The following GRIN2A variants were observed in gnomAD, a reference collection of about 807,000 sequenced individuals.
The protein encoded by GRIN2A is glutamate receptor ionotropic, NMDA 2A.
Under a neutral mutation model 113.4 loss-of-function variants are expected in GRIN2A, and 22 were observed. That is an observed-to-expected ratio of 0.19 (90% CI 0.14 to 0.28). GRIN2A has a LOEUF of 0.28. GRIN2A is among the 10% of genes least tolerant of loss of function. The pLI is 1.00. For synonymous variants in GRIN2A, 827 were observed against 738.4 expected (o/e 1.12, Z -1.94); for missense variants, 1,502 against 1,887.0 (o/e 0.80, Z 3.78).
chr16:10,112,706 C>A (rs2048642288), intron 2 of GRIN2A: 1 of 745,938 alleles, frequency 1.3e-6, no homozygotes, highest in Non-Finnish European at 2.5e-6. Context: ...TGCAGGGTGT[C>A]TCGGCCTCCA....
intron 2 of GRIN2A, among the ~76,000 whole-genome samples, chr16:10,151,389 G>A (rs1596556502): frequency 6.6e-6 from 1 of 152,182 alleles, no homozygotes; most frequent in East Asian, 1.9e-4. Flanking sequence ...GTGCATTCTA[G>A]ACAGAGGTAA....
intron 3 of GRIN2A, among the ~76,000 whole-genome samples, chr16:9,895,376 G>A (rs549638861): frequency 1.3e-5 from 2 of 152,314 alleles, no homozygotes; most frequent in South Asian, 4.1e-4. Flanking sequence ...TGTTCAATGA[G>A]CTGCCGTCAG....
chr16:9,821,693 G>C (rs997130839), intron 10 of GRIN2A, among the ~76,000 whole-genome samples: 1 of 152,172 alleles, frequency 6.6e-6, no homozygotes, highest in Admixed American at 6.5e-5. Flanking sequence ...CCTAACCCCT[G>C]TGCTATCTTT....
intron 3 of GRIN2A, among the ~76,000 whole-genome samples, chr16:9,916,109 G>A (rs75753260): frequency 0.025 from 3,835 of 152,256 alleles, 66 homozygotes; most frequent in Non-Finnish European, 0.037. Flanking sequence ...GTTATATGAT[G>A]TCACCTCTGT....
chr16:9,886,106 A>C (rs929572151), intron 4 of GRIN2A, among the ~76,000 whole-genome samples: 5 of 152,246 alleles, frequency 3.3e-5, no homozygotes, highest in South Asian at 2.1e-4. Context: ...GGTGTGAGTC[A>C]AGCCTGCTCC....
At chr16:10,044,634 G>A (rs2047227779) in intron 2 of GRIN2A, among the ~76,000 whole-genome samples, 1 of 149,062 alleles carries the variant, frequency 6.7e-6, no homozygotes, top group South Asian at 2.2e-4. Flanking sequence ...AATTCCCTAA[G>A]CACCAATGTC....
chr16:9,856,358 C>T (rs755082153), intron 4 of GRIN2A, among the ~76,000 whole-genome samples: 21 of 152,122 alleles, frequency 1.4e-4, no homozygotes, highest in Middle Eastern at 3.2e-3. Context: ...ATAAGATTCA[C>T]GCCTGTAATC....
chr16:9,935,874 G>A (rs536357249), intron 3 of GRIN2A, among the ~76,000 whole-genome samples: 1 of 151,854 alleles, frequency 6.6e-6, no homozygotes, highest in Non-Finnish European at 1.5e-5. Flanking sequence ...GCTAACATTT[G>A]TATTTTTAGT....
At chr16:10,059,714 G>T (rs1220031885) in intron 2 of GRIN2A, among the ~76,000 whole-genome samples, 3 of 113,238 alleles carry the variant, frequency 2.6e-5, no homozygotes, top group African/African-American at 1.0e-4. Context: ...TCACACCATC[G>T]TGACCGAAAA....
chr16:9,986,280 G>A (rs932504117), intron 2 of GRIN2A, among the ~76,000 whole-genome samples: 15 of 152,106 alleles, frequency 9.9e-5, no homozygotes, highest in South Asian at 4.2e-4. Context: ...AAATTATGAC[G>A]TTAGGTGAAT....
intron 9 of GRIN2A, among the ~76,000 whole-genome samples, chr16:9,826,169 C>G (rs1044042924): frequency 6.6e-6 from 1 of 152,076 alleles, no homozygotes; most frequent in Non-Finnish European, 1.5e-5. Flanking sequence ...GAAATTAAGC[C>G]TAAGGGGATA....
intron 4 of GRIN2A, among the ~76,000 whole-genome samples, chr16:9,850,847 C>G (rs1299380139): frequency 6.6e-6 from 1 of 152,132 alleles, no homozygotes; most frequent in Non-Finnish European, 1.5e-5. Context: ...TATTTTGAAC[C>G]TTAATTTTAT....
chr16:10,033,145 C>T (rs564427561), intron 2 of GRIN2A, among the ~76,000 whole-genome samples: 1 of 152,186 alleles, frequency 6.6e-6, no homozygotes, highest in Non-Finnish European at 1.5e-5. Flanking sequence ...ACCTACCAAC[C>T]GTGAACTGTT....
intron 2 of GRIN2A, among the ~76,000 whole-genome samples, chr16:10,133,738 C>T (rs2049123530): frequency 2.0e-5 from 3 of 152,162 alleles, no homozygotes; most frequent in Admixed American, 1.3e-4. Context: ...AGTTTCTCTC[C>T]AACTGTGGAC....
intron 2 of GRIN2A, chr16:10,033,746 G>C (rs1191109309): frequency 6.6e-6 from 1 of 152,386 alleles, no homozygotes; most frequent in East Asian, 1.9e-4. Context: ...CAGCATTAAA[G>C]GGGCAGCTGC....
At chr16:9,996,897 G>A (rs1326989863) in intron 2 of GRIN2A, among the ~76,000 whole-genome samples, 1 of 152,188 alleles carries the variant, frequency 6.6e-6, no homozygotes, top group African/African-American at 2.4e-5. Context: ...TCTAACACCA[G>A]GTGTTTTTTT....
chr16:9,822,416 T>C lies in GRIN2A; in HGVS notation c.2016A>G (p.Arg672=). ...GAAAAGGTGGGGAATAGTCATGAGG[T>C]CTCTGAAACTGGAGAGAGAACGAGA... is the stretch of plus-strand genomic sequence containing the variant. ...VTGLSDKKFQ[R]PHDYSPPFRF... is the part of the protein sequence containing the mutation. Residue 672 remains arginine, a synonymous_variant, in exon 10 of 13, where the codon AGA becomes AGG. Transcript: ENST00000330684. 2 of 1,606,980 alleles carry C rather than the reference T, an allele frequency of 1.2e-6. No homozygotes were observed. Among genetic ancestry groups the C allele is most frequent in the Non-Finnish European group, 1.7e-6 (2 of 1,173,860 alleles).
chr16:10,143,741 G>C (rs1329207852), intron 2 of GRIN2A, among the ~76,000 whole-genome samples: 1 of 152,108 alleles, frequency 6.6e-6, no homozygotes, highest in Non-Finnish European at 1.5e-5. Flanking sequence ...AAGGCAAGTG[G>C]ATCTCTTGAG....
intron 2 of GRIN2A, among the ~76,000 whole-genome samples, chr16:10,039,793 GGA>G: frequency 2.9e-5 from 3 of 102,610 alleles, no homozygotes; most frequent in African/African-American, 1.1e-4. Context: ...AGGGGGAGGG[GGA>G]GGGGGAGGGG....
Sources: gnomAD v4.1 joint callset for allele counts (sites outside exome capture counted in the v4.1 genomes callset) on GRCh38, gnomAD v4.1.1 for gene constraint, MANE v1.5 for transcripts, NCBI Gene and HGNC (gene_info 2026-07-23, HGNC 2026-07-21) for gene names.